Variants in PLSCR2 observed in about 807,000 individuals in gnomAD.
The protein encoded by PLSCR2 is PL scramblase 2.
PLSCR2 carries 18 observed loss-of-function variants against 25.3 expected under a neutral mutation model. The ratio of observed to expected loss-of-function variants is 0.71; its 90% CI spans 0.49 to 1.06. The LOEUF (loss-of-function observed/expected upper bound fraction) is 1.06. Among genes scored for constraint, PLSCR2 ranks in the 50% least tolerant of loss-of-function variants. PLSCR2 has a pLI of 0.00. For synonymous variants in PLSCR2, 88 were observed against 87.3 expected (o/e 1.01, Z -0.04); for missense variants, 243 against 269.5 (o/e 0.90, Z 0.69).
At chr3:146,420,146 T>G (rs1306016667) in intron 2 of PLSCR2, among the ~76,000 whole-genome samples, 1 of 152,080 alleles carries the variant, frequency 6.6e-6, no homozygotes, top group African/African-American at 2.4e-5. Context: ...AAGCCTTTGG[T>G]TAATTTTCCA....
At chr3:146,423,436 C>T (rs1424224507) in intron 2 of PLSCR2, among the ~76,000 whole-genome samples, 1 of 151,958 alleles carries the variant, frequency 6.6e-6, no homozygotes, top group African/African-American at 2.4e-5. Context: ...CTTATTTAGG[C>T]TCCACTAATG....
downstream of PLSCR2, among the ~76,000 whole-genome samples, chr3:146,430,013 C>A (rs1649974457): frequency 6.6e-6 from 1 of 152,038 alleles, no homozygotes; most frequent in Non-Finnish European, 1.5e-5. Flanking sequence ...AGACAATACT[C>A]AAAGCAGTTT....
intron 1 of PLSCR2, among the ~76,000 whole-genome samples, chr3:146,467,314 T>G (rs1445007511): frequency 6.6e-6 from 1 of 152,000 alleles, no homozygotes; most frequent in Non-Finnish European, 1.5e-5. Context: ...CAAAAATGAG[T>G]CTTAAAGTCA....
upstream of PLSCR2, among the ~76,000 whole-genome samples, chr3:146,464,901 A>T (rs1437819922): frequency 6.6e-6 from 1 of 152,204 alleles, no homozygotes; most frequent in Admixed American, 6.5e-5. Flanking sequence ...TACAGTTGTT[A>T]AATATTAACA....
rs115206647 is a variant in PLSCR2, at chr3:146,484,481, A to T, written c.-293+11414T>A. On this transcript the variant is annotated intron_variant, in intron 1 of 8. Transcript: ENST00000336685. ...TATGAAAAGATCAACTCCAAGACAA[A>T]TAATCGTCAGATTCTCCAAGGTTGA... is the stretch of plus-strand genomic sequence containing the variant. 3.1e-3 allele frequency among the ~76,000 whole-genome samples: 474 copies of T among 152,204 alleles called. 3 individuals carry two copies. The highest frequency in any genetic ancestry group is 0.01 in the African/African-American group (432 of 41,530).
At chr3:146,455,138 G>A (rs531080965) in intron 4 of PLSCR2, 101 bp downstream of exon 4, 1 of 761,516 alleles carries the variant, frequency 1.3e-6, no homozygotes, top group Non-Finnish European at 2.2e-6. Flanking sequence ...AGCTCATGGA[G>A]CCATATTCAT....
intron 3 of PLSCR2, among the ~76,000 whole-genome samples, chr3:146,393,734 G>A (rs181334445): frequency 3.3e-5 from 5 of 150,770 alleles, no homozygotes; most frequent in South Asian, 2.1e-4. Context: ...GCTTGAACCC[G>A]GGAGGCAGAG....
chr3:146,488,556 C>T (rs999713359), intron 1 of PLSCR2, among the ~76,000 whole-genome samples: 1 of 151,980 alleles, frequency 6.6e-6, no homozygotes, highest in African/African-American at 2.4e-5. Context: ...ATTTATGTGG[C>T]CAGCAAACAT....
chr3:146,476,289 A>T (rs371975668), intron 1 of PLSCR2, among the ~76,000 whole-genome samples: 1 of 152,228 alleles, frequency 6.6e-6, no homozygotes, highest in South Asian at 2.1e-4. Context: ...TGAGAGCCAC[A>T]TGGGGCAGGG....
intron 1 of PLSCR2, chr3:146,495,801 G>T: frequency 1.1e-6 from 1 of 949,678 alleles, no homozygotes; most frequent in Non-Finnish European, 1.6e-6. Flanking sequence ...TTCGTGAATA[G>T]GAACATATGC....
At chr3:146,411,795 C>T (rs181256584) in intron 2 of PLSCR2, among the ~76,000 whole-genome samples, 21 of 152,224 alleles carry the variant, frequency 1.4e-4, no homozygotes, top group African/African-American at 4.3e-4. Context: ...AAATAAAGTA[C>T]GCAAAAAGTT....
intron 1 of PLSCR2, among the ~76,000 whole-genome samples, chr3:146,476,753 C>T (rs1449100421): frequency 1.3e-5 from 2 of 152,244 alleles, no homozygotes; most frequent in African/African-American, 4.8e-5. Flanking sequence ...GACCAGACTG[C>T]CTCTTTAGGG....
At chr3:146,411,004 C>A (rs1008264247) in intron 2 of PLSCR2, among the ~76,000 whole-genome samples, 1 of 152,200 alleles carries the variant, frequency 6.6e-6, no homozygotes, top group Non-Finnish European at 1.5e-5. Context: ...CACTGTGGAG[C>A]TACAAACTGG....
At chr3:146,470,293 C>G (rs1178872074) in intron 1 of PLSCR2, among the ~76,000 whole-genome samples, 2 of 152,194 alleles carry the variant, frequency 1.3e-5, no homozygotes, top group East Asian at 3.9e-4. Context: ...GCCTGAAACC[C>G]TAGCATTTTG....
At chr3:146,469,770 G>C (rs2042038089) in intron 1 of PLSCR2, among the ~76,000 whole-genome samples, 1 of 138,390 alleles carries the variant, frequency 7.2e-6, no homozygotes. Flanking sequence ...CTGGGGGCGC[G>C]ACTGCACCCA....
intron 1 of PLSCR2, among the ~76,000 whole-genome samples, chr3:146,477,543 C>T (rs2042330997): frequency 6.6e-6 from 1 of 152,242 alleles, no homozygotes; most frequent in Admixed American, 6.5e-5. Flanking sequence ...GTGGTGTCAG[C>T]CATTGCTGAG....
intron 1 of PLSCR2, among the ~76,000 whole-genome samples, chr3:146,477,795 ACC>A (rs2042971654): frequency 2.6e-5 from 4 of 152,234 alleles, no homozygotes; most frequent in Admixed American, 2.6e-4. Flanking sequence ...TGAGTCTCTG[ACC>A]CTCGTGTAGC....
At chr3:146,442,718 T>C (rs982349997) in intron 6 of PLSCR2, among the ~76,000 whole-genome samples, 1 of 152,016 alleles carries the variant, frequency 6.6e-6, no homozygotes, top group Non-Finnish European at 1.5e-5. Context: ...GAAAGGACAG[T>C]ACCCTTAAAT....
intron 1 of PLSCR2, among the ~76,000 whole-genome samples, chr3:146,480,271 C>A (rs1163673939): frequency 6.6e-6 from 1 of 151,926 alleles, no homozygotes; most frequent in African/African-American, 2.4e-5. Context: ...ACACAAAAAA[C>A]CCTTCAAAAA....
Sources: gnomAD v4.1 joint callset for allele counts (sites outside exome capture counted in the v4.1 genomes callset) on GRCh38, gnomAD v4.1.1 for gene constraint, MANE v1.5 for transcripts, NCBI Gene and HGNC (gene_info 2026-07-23, HGNC 2026-07-21) for gene names.